KDM4B: variants seen among roughly 807,000 people sequenced by gnomAD.
KDM4B encodes the protein lysine-specific demethylase 4B.
In KDM4B, 32 loss-of-function variants were observed where a neutral mutation model predicts 125.2. The observed-to-expected ratio is 0.26, with a 90% CI of 0.19 to 0.34. The LOEUF (loss-of-function observed/expected upper bound fraction) is 0.34. KDM4B is among the 10% of genes least tolerant of loss of function. The pLI is 1.00. For missense variants in KDM4B, 1,190 were observed against 1,577.7 expected (o/e 0.75, Z 4.16); for synonymous variants, 721 against 677.9 (o/e 1.06, Z -0.99).
chr19:5,005,591 C>T (rs184111811), intron 1 of KDM4B, among the ~76,000 whole-genome samples: 1 of 152,258 alleles, frequency 6.6e-6, no homozygotes, highest in East Asian at 1.9e-4. Context: ...TGGGGGTTCA[C>T]CTTCCTTTAT....
chr19:5,050,003 C>A (rs899600887), intron 6 of KDM4B, among the ~76,000 whole-genome samples: 1 of 152,144 alleles, frequency 6.6e-6, no homozygotes, highest in African/African-American at 2.4e-5. Flanking sequence ...ATGCTTCCCC[C>A]CTCTCCCTTC....
chr19:5,060,656 GGTT>G (rs1443926120), intron 6 of KDM4B, among the ~76,000 whole-genome samples: 1 of 152,058 alleles, frequency 6.6e-6, no homozygotes, highest in African/African-American at 2.4e-5. Context: ...GCTGCCTCCT[GGTT>G]GTTGATGAGC....
At chr19:5,147,204 A>G (rs1408990313) in intron 21 of KDM4B, among the ~76,000 whole-genome samples, 1 of 152,202 alleles carries the variant, frequency 6.6e-6, no homozygotes, top group African/African-American at 2.4e-5. Flanking sequence ...ACCTATGGAG[A>G]TGATAGAAAA....
In KDM4B at chr19:5,008,595, T is replaced by C. The variant is rs113608838; in HGVS notation, c.-108-7662T>C. On this transcript the variant is annotated intron_variant, in intron 1 of 22. Transcript: ENST00000159111. Reference sequence around the variant, plus strand: ...TTGTTTCTTCTTTTTCTTTTTCTTTTTTTTTTTTTTTTTGAGACAGAGTCT... The same window carrying C: ...TTGTTTCTTCTTTTTCTTTTTCTTTCTTTTTTTTTTTTTGAGACAGAGTCT... Among the ~76,000 whole-genome samples the C allele has an allele frequency of 1.3e-3, 200 of 148,696 alleles. 3 individuals carry two copies. Among genetic ancestry groups the C allele is most frequent in the African/African-American group, 4.8e-3 (194 of 40,668 alleles).
At chr19:5,110,862 G>C in intron 10 of KDM4B, 44 bp downstream of exon 10, 3 of 1,482,526 alleles carry the variant, frequency 2.0e-6, no homozygotes, top group Non-Finnish European at 1.8e-6. Context: ...AGCATCACGG[G>C]GGGTGGCCCT....
rs770433435 is a variant in KDM4B at position 5,131,913 on chromosome 19, G to A, written c.1812G>A (p.Lys604=). The A allele has an allele frequency of 6.8e-6, 11 of 1,612,876 alleles. No homozygotes were observed. In the South Asian group the frequency reaches 1.1e-4, roughly 16 times the overall value. Residue 604 remains lysine, a synonymous_variant, in exon 13 of 23, where the codon AAG becomes AAA. Coordinates refer to ENST00000159111, the MANE Select transcript of KDM4B (RefSeq NM_015015.3). ...GQAPSTFSKL[K]MEIKKSRRHP... ...CACCGTCCACATTTTCCAAATTGAA[G>A]ATGGAGATCAAGAAGAGCCGGCGCC...
intron 10 of KDM4B, among the ~76,000 whole-genome samples, chr19:5,117,306 G>T (rs62115609): frequency 0.2 from 29,438 of 149,988 alleles, 3,798 homozygotes; most frequent in East Asian, 0.59. Context: ...GCGACCTCTA[G>T]GGTGAGTTTT....
At position 5,119,368 on chromosome 19, in the gene KDM4B, G is replaced by C. The variant is rs1341632362; in HGVS notation, c.1116-285G>C. 5 of 661,542 alleles carry C rather than the reference G, an allele frequency of 7.6e-6. No homozygotes were observed. In the Admixed American group the frequency reaches 7.7e-5, roughly 10 times the overall value. The allele number at this position is 661,542 out of a possible 1,614,324, so 41.0% of individuals were successfully genotyped here. A position where few individuals can be genotyped will look rare whatever the true frequency, so the allele number is the denominator to read the frequency against. On this transcript the variant is annotated intron_variant, in intron 10 of 22. Coordinates refer to ENST00000159111, the MANE Select transcript of KDM4B (RefSeq NM_015015.3). ...CCGTCATCCCACCTGGTGTCAGTCG[G>C]CTTCCCATCTCCAGCTGTCATCAGC... is the stretch of plus-strand genomic sequence containing the variant.
chr19:5,025,100 T>G (rs2036237547), intron 2 of KDM4B, among the ~76,000 whole-genome samples: 1 of 152,206 alleles, frequency 6.6e-6, no homozygotes, highest in South Asian at 2.1e-4. Context: ...ACCCTTTTTT[T>G]GTTGTTAGAG....
At chr19:5,076,089 G>A (rs2038098868) in intron 7 of KDM4B, 1 of 152,478 alleles carries the variant, frequency 6.6e-6, no homozygotes, top group East Asian at 2.0e-4. Context: ...AGTGACGAGA[G>A]CGGCCACACT....
At position 5,137,694 on chromosome 19, in the gene KDM4B, T is replaced by A; in HGVS notation, c.2441+18T>A. 1 of 1,569,800 alleles carries A rather than the reference T, an allele frequency of 6.4e-7. No individual in the cohort carries two copies. Among genetic ancestry groups the A allele is most frequent in the Admixed American group, 1.7e-5 (1 of 57,364 alleles). The stretch of plus-strand genomic sequence containing the variant: ...GATAGGAGGTGGGTGGCACCGCGCG[T>A]TGGGGCTGGAGGGCCGGAGGGGAGC... On this transcript the variant is annotated intron_variant, in intron 17 of 22. Coordinates refer to ENST00000159111, the MANE Select transcript of KDM4B (RefSeq NM_015015.3).
chr19:4,983,014 G>A (rs568998307), intron 1 of KDM4B, among the ~76,000 whole-genome samples: 1 of 152,130 alleles, frequency 6.6e-6, no homozygotes, highest in Non-Finnish European at 1.5e-5. Flanking sequence ...AAGAGAAATG[G>A]GGGAAATTAA....
rs968370663 is a variant in KDM4B, at chr19:5,147,887, T to C, written c.3022-2471T>C. Among the ~76,000 whole-genome samples the C allele has an allele frequency of 3.6e-4, 54 of 151,946 alleles. 1 individual carries two copies. The highest frequency in any genetic ancestry group is 3.4e-4 in the Non-Finnish European group (23 of 67,990). On this transcript the variant is annotated intron_variant, in intron 21 of 22. Coordinates refer to ENST00000159111, the MANE Select transcript of KDM4B (RefSeq NM_015015.3). ...CTGCGAGGTGGCGGCAGGACCTCGATCACACAATCATGCAAACGCCCGCTG... is the reference window on the plus strand; with the variant it reads ...CTGCGAGGTGGCGGCAGGACCTCGACCACACAATCATGCAAACGCCCGCTG...
chr19:5,059,147 G>A (rs2037502712), intron 6 of KDM4B, among the ~76,000 whole-genome samples: 2 of 152,238 alleles, frequency 1.3e-5, no homozygotes, highest in Non-Finnish European at 1.5e-5. Context: ...GGTTTCCATG[G>A]CAAATTTCTC....
intron 17 of KDM4B, 21 bp downstream of exon 17, chr19:5,137,697 G>T: frequency 1.3e-6 from 2 of 1,563,902 alleles, no homozygotes. Flanking sequence ...CCGCGCGTTG[G>T]GGCTGGAGGG....
At chr19:5,005,221 T>A (rs1270360059) in intron 1 of KDM4B, among the ~76,000 whole-genome samples, 1 of 152,036 alleles carries the variant, frequency 6.6e-6, no homozygotes, top group Non-Finnish European at 1.5e-5. Context: ...TGTGGAGATG[T>A]TGGTGGCCAG....
At chr19:5,147,482 A>G (rs1599278633) in intron 21 of KDM4B, among the ~76,000 whole-genome samples, 1 of 152,182 alleles carries the variant, frequency 6.6e-6, no homozygotes, top group Non-Finnish European at 1.5e-5. Context: ...GCGGGGGCTC[A>G]TGCTGTGATC....
intron 9 of KDM4B, among the ~76,000 whole-genome samples, chr19:5,109,479 T>G (rs1332147635): frequency 1.3e-5 from 2 of 151,870 alleles, no homozygotes; most frequent in African/African-American, 4.8e-5. Flanking sequence ...TGGGAAGGGC[T>G]GAGGGCGTGA....
intron 21 of KDM4B, among the ~76,000 whole-genome samples, chr19:5,148,093 C>T (rs916034189): frequency 2.6e-5 from 4 of 152,252 alleles, no homozygotes; most frequent in African/African-American, 7.2e-5. Flanking sequence ...TTCCCTCGCA[C>T]GTGACCCCTC....
Sources: gnomAD v4.1 joint callset for allele counts (sites outside exome capture counted in the v4.1 genomes callset) on GRCh38, gnomAD v4.1.1 for gene constraint, MANE v1.5 for transcripts, NCBI Gene and HGNC (gene_info 2026-07-23, HGNC 2026-07-21) for gene names.